Variants in PKD1 observed in about 807,000 individuals in gnomAD.
PKD1 encodes polycystin 1, transient receptor potential channel interacting, also known as polycystin-1.
In PKD1, 81 loss-of-function variants were observed where a neutral mutation model predicts 361.7. The ratio of observed to expected loss-of-function variants is 0.22; its 90% CI spans 0.19 to 0.27. The LOEUF (loss-of-function observed/expected upper bound fraction) is 0.27, where lower values mean the gene tolerates loss of function less well. PKD1 is among the 10% of genes least tolerant of loss of function. PKD1 has a pLI of 1.00. For missense variants in PKD1, 6,399 were observed against 6,118.3 expected, an observed-to-expected ratio of 1.05 and a Z score of -1.53; for synonymous variants, 3,615 against 2,818.3, an observed-to-expected ratio of 1.28 and a Z score of -8.95.
At chr16:2,128,832 G>A (rs1387160689) in intron 1 of PKD1, among the ~76,000 whole-genome samples, 1 of 151,776 alleles carries the variant, frequency 6.6e-6, no homozygotes, top group Non-Finnish European at 1.5e-5. Context: ...AGCCCCCAAA[G>A]TAGCTGAGAC....
intron 1 of PKD1, chr16:2,120,045 C>G (rs961718792): frequency 1.7e-6 from 1 of 589,702 alleles, no homozygotes; most frequent in African/African-American, 1.9e-5. Context: ...GACCCCGTAT[C>G]TACAAAAAAT....
chr16:2,121,217 T>C (rs1482841154), intron 1 of PKD1, among the ~76,000 whole-genome samples: 3 of 150,616 alleles, frequency 2.0e-5, no homozygotes, highest in Admixed American at 2.0e-4. Flanking sequence ...ACTACAGAAT[T>C]AGTCGGGCGT....
chr16:2,121,445 A>C (rs1206598616), intron 1 of PKD1, among the ~76,000 whole-genome samples: 4 of 152,160 alleles, frequency 2.6e-5, no homozygotes, highest in African/African-American at 4.8e-5. Flanking sequence ...CAAAAACAAA[A>C]AAAGAAAAAC....
chr16:2,125,226 C>T (rs1342431203), intron 1 of PKD1, among the ~76,000 whole-genome samples: 5 of 152,198 alleles, frequency 3.3e-5, no homozygotes, highest in Non-Finnish European at 1.5e-5. Context: ...ACAGTGCAGC[C>T]CCGGGCTGGG....
Position 2,109,759 on chromosome 16 carries a change from C to T in PKD1, c.5408G>A (p.Ser1803Asn), listed in dbSNP as rs1666460050. 4.3e-6 allele frequency: 7 copies of T among 1,609,682 alleles called. No individual in the cohort carries two copies. Among genetic ancestry groups the T allele is most frequent in the Non-Finnish European group, 5.9e-6 (7 of 1,179,392 alleles). Residue 1803 changes from serine (S) to asparagine (N), a missense_variant, in exon 15 of 46, where the codon AGT (serine) becomes AAT (asparagine). Transcript: ENST00000262304. ...TVEVDVQVPV[S>N]GLSIRASEPG... ...CTCGCTGGCCCTGATGCTGAGGCCA[C>T]TCACAGGCACCTGCACATCCACTTC...
intron 37 of PKD1, 182 bp from the exon 38 acceptor site, chr16:2,093,275 C>A (rs1257566573): frequency 1.3e-6 from 1 of 752,760 alleles, no homozygotes; most frequent in African/African-American, 1.7e-5. Flanking sequence ...GGAACCCCAC[C>A]TGGGGGCAGA....
At chr16:2,097,081 G>A (rs544278392) in intron 34 of PKD1, 67 bp downstream of exon 34, 35 of 471,602 alleles carry the variant, frequency 7.4e-5, no homozygotes, top group Admixed American at 1.7e-4. Flanking sequence ...CGGGAACCAC[G>A]GCTGCCTGGC....
chr16:2,103,252 C>A lies in PKD1; in HGVS notation c.8791+14G>T, dbSNP rs893796816. 1.9e-6 allele frequency: 3 copies of A among 1,609,022 alleles called. No homozygotes were observed. The highest frequency in any genetic ancestry group is 2.5e-6 in the Non-Finnish European group (3 of 1,179,136). ...AGGCCAGGGGGCCGCGTGTGCCCCA[C>A]CCGCTGCACGCACCGTCCAGCAGCG... On this transcript the variant is annotated intron_variant, in intron 23 of 45. Transcript: ENST00000262304.
chr16:2,093,571 C>T lies in PKD1; in HGVS notation c.10989G>A (p.Lys3663=). 9 of 1,606,218 alleles carry T rather than the reference C, an allele frequency of 5.6e-6. No individual in the cohort carries two copies. Among genetic ancestry groups the T allele is most frequent in the Non-Finnish European group, 7.6e-6 (9 of 1,176,672 alleles). The change falls in exon 37 of 46, where the codon AAG becomes AAA. Residue 3663 remains lysine, a synonymous_variant. Transcript: ENST00000262304. The stretch of plus-strand genomic sequence containing the variant: ...GCAGCATGCCATGTAGCCTCTTGAC[C>T]TTGCGGGCTTCTTCCTTGGCCAGGA... The part of the protein sequence containing the change: ...ALFLAKEEAR[K]VKRLHGMLRS...
In PKD1 at chr16:2,089,037, C is replaced by G. The variant is rs1235658417; in HGVS notation, c.*690G>C. On this transcript the variant is annotated 3_prime_UTR_variant, in exon 46 of 46. Coordinates refer to ENST00000262304, the MANE Select transcript of PKD1 (RefSeq NM_001009944.3). ...GGCCTGGGCGCTGCTCTCTTGCTAC[C>G]TGGCCTGGGGCAAGGGAGGATGACA... is the stretch of plus-strand genomic sequence containing the variant. 5.0e-6 allele frequency: 1 copy of G among 200,816 alleles called. No homozygotes were observed. The highest frequency in any genetic ancestry group is 2.3e-5 in the African/African-American group (1 of 42,890). The allele number at this position is 200,816 out of a possible 1,614,324, so 12.4% of individuals were successfully genotyped here.
In PKD1 at chr16:2,119,386, G is replaced by C; in HGVS notation, c.216-8C>G. On this transcript the variant is annotated splice_polypyrimidine_tract_variant and splice_region_variant and intron_variant, in intron 1 of 45. Transcript: ENST00000262304. The stretch of plus-strand genomic sequence containing the variant: ...AGGTTGTGGGAGACGTCTCTGAGGA[G>C]TGAGTGGCCGTGGGTCAGGGCCAGA... The C allele has an allele frequency of 6.8e-7, 1 of 1,470,690 alleles. No individual in the cohort carries two copies. Among genetic ancestry groups the C allele is most frequent in the Non-Finnish European group, 9.2e-7 (1 of 1,089,088 alleles). The allele number at this position is 1,470,690 out of a possible 1,614,324, so 91.1% of individuals were successfully genotyped here. A position where few individuals can be genotyped will look rare whatever the true frequency, so the allele number is the denominator to read the frequency against.
rs766149471 is a variant in PKD1 at position 2,114,248 on chromosome 16, C to T, written c.2775G>A (p.Arg925=). The change falls in exon 11 of 46, where the codon CGG becomes CGA. Residue 925 remains arginine, a synonymous_variant. Coordinates refer to ENST00000262304, the MANE Select transcript of PKD1 (RefSeq NM_001009944.3). ...NSASRANLSL[R]VTAEEPICGL... is the part of the protein sequence containing the mutation. ...CACAGATGGGCTCCTCCGCCGTCAC[C>T]CGCAGGCTGAGGTTGGCCCGGCTGG... 2.5e-5 allele frequency: 40 copies of T among 1,610,066 alleles called. No individual in the cohort carries two copies. Among genetic ancestry groups the T allele is most frequent in the Admixed American group, 6.7e-5 (4 of 59,970 alleles).
chr16:2,119,231 G>A lies in PKD1; in HGVS notation c.288-46C>T, dbSNP rs781634491. On this transcript the variant is annotated intron_variant, in intron 2 of 45. Coordinates refer to ENST00000262304, the MANE Select transcript of PKD1 (RefSeq NM_001009944.3). The stretch of plus-strand genomic sequence containing the variant: ...GGCAAAGCTGATGGAAGCCCCCACA[G>A]CTGAGCAGCAAGAGGCGGTGCCGCC... The A allele has an allele frequency of 2.1e-6, 3 of 1,451,486 alleles. No individual in the cohort carries two copies. The East Asian group carries it at 7.0e-5, about 34-fold the overall frequency. 89.9% of individuals were successfully genotyped at this position (1,451,486 alleles called of 1,614,324 possible). A position where few individuals can be genotyped will look rare whatever the true frequency, so the allele number is the denominator to read the frequency against.
chr16:2,130,446 T>G (rs965076081), intron 1 of PKD1, among the ~76,000 whole-genome samples: 1 of 152,184 alleles, frequency 6.6e-6, no homozygotes, highest in Non-Finnish European at 1.5e-5. Context: ...CCCCTCCCCA[T>G]CATCCATCTC....
chr16:2,135,887 G>A lies in PKD1; in HGVS notation c.-198C>T, dbSNP rs1209937221. 3 of 206,594 alleles carry A rather than the reference G, an allele frequency of 1.5e-5. No homozygotes were observed. The highest frequency in any genetic ancestry group is 2.5e-5 in the Non-Finnish European group (3 of 119,232). 12.8% of individuals were successfully genotyped at this position (206,594 alleles called of 1,614,324 possible). Reference sequence around the variant, plus strand: ...AGCTCGGCCGCCCGCTCGGACGCTGGCGCTGCAGTGCGGGCCCCGCCGCGG... The same window carrying A: ...AGCTCGGCCGCCCGCTCGGACGCTGACGCTGCAGTGCGGGCCCCGCCGCGG... On this transcript the variant is annotated 5_prime_UTR_variant, in exon 1 of 46. Transcript: ENST00000262304.
rs747885791 is a variant in PKD1, at chr16:2,109,352, T to C, written c.5815A>G (p.Ser1939Gly). ...EVLPGPRFSH[S>G]FPRVGDHVVS... ...ACGTGGTCTCCGACGCGGGGGAAGC[T>C]GTGGGAGAAACGGGGCCCGGGGAGC... The change falls in exon 15 of 46, where the codon AGC becomes GGC. Residue 1939 changes from serine to glycine, a missense_variant. By Grantham distance (56) the Ser-to-Gly change is moderately conservative. Coordinates refer to ENST00000262304, the MANE Select transcript of PKD1 (RefSeq NM_001009944.3). 1 of 1,592,078 alleles carries C rather than the reference T, an allele frequency of 6.3e-7. No homozygotes were observed. Among genetic ancestry groups the C allele is most frequent in the Non-Finnish European group, 8.5e-7 (1 of 1,173,582 alleles).
chr16:2,093,591 C>T lies in PKD1; in HGVS notation c.10969G>A (p.Ala3657Thr). The part of the protein sequence containing the change: ...RPPHGFALFL[A>T]KEEARKVKRL... ...TTGACCTTGCGGGCTTCTTCCTTGG[C>T]CAGGAAGAGTGCAAAGCCGTGGGGT... Residue 3657 changes from alanine to threonine, a missense_variant, in exon 37 of 46, where the codon GCC (alanine) becomes ACC (threonine). By Grantham distance (58) the Ala-to-Thr change is moderately conservative. Coordinates refer to ENST00000262304, the MANE Select transcript of PKD1 (RefSeq NM_001009944.3). 6.2e-7 allele frequency: 1 copy of T among 1,608,550 alleles called. No individual in the cohort carries two copies. The highest frequency in any genetic ancestry group is 8.5e-7 in the Non-Finnish European group (1 of 1,177,818).
chr16:2,108,373 T>C lies in PKD1; in HGVS notation c.6794A>G (p.Tyr2265Cys), dbSNP rs2151786087. The C allele has an allele frequency of 6.2e-7, 1 of 1,610,480 alleles. No individual in the cohort carries two copies. Among genetic ancestry groups the C allele is most frequent in the Admixed American group, 1.7e-5 (1 of 60,014 alleles). ...RLVPIIEGGS[Y>C]RVWSDTRDLV... is the part of the protein sequence containing the mutation. Reference sequence around the variant, plus strand: ...GTCCCGTGTGTCTGACCACACGCGGTATGAGCCACCCTCAATGATGGGCAC... The same window carrying C: ...GTCCCGTGTGTCTGACCACACGCGGCATGAGCCACCCTCAATGATGGGCAC... Residue 2265 changes from tyrosine to cysteine, a missense_variant, in exon 15 of 46, where the codon TAC (tyrosine) becomes TGC (cysteine). Physicochemically the swap from Tyr to Cys is radical, Grantham distance 194 (BLOSUM62 -2). Transcript: ENST00000262304.
rs753956366 is a variant in PKD1 at position 2,092,061 on chromosome 16, C to G, written c.11397G>C (p.Ala3799=). Residue 3799 remains alanine (A), a synonymous_variant, in exon 40 of 46, where the codon GCG becomes GCC. Transcript: ENST00000262304. ...GCTCTGCTCACCCCAGCAGATCCGG[C>G]GCTGAATAGGCCCACGTCCCCGAGC... ...HNGSGTWAYS[A]PDLLGAWSWG... is the part of the protein sequence containing the mutation. 1.2e-6 allele frequency: 2 copies of G among 1,612,798 alleles called. No homozygotes were observed. The highest frequency in any genetic ancestry group is 1.7e-5 in the Admixed American group (1 of 60,028).
Sources: allele counts gnomAD v4.1 joint callset (sites outside exome capture counted in the v4.1 genomes callset), GRCh38; gene constraint gnomAD v4.1.1; transcripts MANE v1.5; gene names NCBI Gene and HGNC (gene_info 2026-07-23, HGNC 2026-07-21).